The following MALRD1 variants were observed in gnomAD, a reference collection of about 807,000 sequenced individuals.
MALRD1 encodes MAM and LDL receptor class A domain containing 1.
In MALRD1, 247 loss-of-function variants were observed where a neutral mutation model predicts 242.1. That is an observed-to-expected ratio of 1.02 (90% CI 0.92 to 1.13). The LOEUF (loss-of-function observed/expected upper bound fraction) is 1.13, where lower values mean the gene tolerates loss of function less well. Among genes scored for constraint, MALRD1 ranks in the 50% most tolerant of loss-of-function variants. The pLI is 0.00. For missense variants in MALRD1, 2,989 were observed against 2,533.1 expected, an observed-to-expected ratio of 1.18 and a Z score of -3.86; for synonymous variants, 995 against 866.6, an observed-to-expected ratio of 1.15 and a Z score of -2.60.
At chr10:19,588,520 C>G (rs369377286) in intron 33 of MALRD1, among the ~76,000 whole-genome samples, 1 of 152,176 alleles carries the variant, frequency 6.6e-6, no homozygotes, top group East Asian at 1.9e-4. Flanking sequence ...TGTAGTGATG[C>G]AATTACAATT....
chr10:19,203,952 G>A, intron 15 of MALRD1, 72 bp downstream of exon 15: 1 of 1,509,442 alleles, frequency 6.6e-7, no homozygotes, highest in Non-Finnish European at 9.0e-7. Context: ...AGAAAGGAAA[G>A]CTAGTACGGT....
chr10:19,450,298 T>A lies in MALRD1; in HGVS notation c.4846-9T>A. The A allele has an allele frequency of 6.5e-7, 1 of 1,543,632 alleles. No homozygotes were observed. ...ATTATTTCCCTCATACAAACTTCTTTACTTTCAGACAGAGAAAGGACTATC... is the reference window on the plus strand; with the variant it reads ...ATTATTTCCCTCATACAAACTTCTTAACTTTCAGACAGAGAAAGGACTATC... On this transcript the variant is annotated splice_polypyrimidine_tract_variant and intron_variant, in intron 28 of 39. Coordinates refer to ENST00000454679, the MANE Select transcript of MALRD1 (RefSeq NM_001142308.3).
At chr10:19,135,470 A>G (rs1287488922) in intron 9 of MALRD1, among the ~76,000 whole-genome samples, 2 of 152,190 alleles carry the variant, frequency 1.3e-5, no homozygotes, top group Non-Finnish European at 2.9e-5. Flanking sequence ...TCATGTTTTG[A>G]AAAGAAAATC....
intron 11 of MALRD1, among the ~76,000 whole-genome samples, chr10:19,149,897 T>C (rs1833879300): frequency 6.6e-6 from 1 of 152,220 alleles, no homozygotes; most frequent in South Asian, 2.1e-4. Context: ...CCCTAGTGTA[T>C]GCCTGTTCCA....
chr10:19,474,120 T>TGG (rs1836621406), intron 29 of MALRD1, among the ~76,000 whole-genome samples: 1 of 3,258 alleles, frequency 3.1e-4, no homozygotes, highest in Non-Finnish European at 4.3e-4. Context: ...ATTGGACATT[T>TGG]GTGTATGTTC....
intron 31 of MALRD1, among the ~76,000 whole-genome samples, chr10:19,526,532 C>T (rs1048957898): frequency 4.0e-5 from 6 of 151,814 alleles, no homozygotes; most frequent in Non-Finnish European, 8.8e-5. Flanking sequence ...AAATGGATAC[C>T]TTGGCATGCA....
chr10:19,473,546 G>T (rs1836596359), intron 29 of MALRD1, among the ~76,000 whole-genome samples: 1 of 151,896 alleles, frequency 6.6e-6, no homozygotes. Flanking sequence ...TCTACTCTGG[G>T]TGCCACACAT....
intron 36 of MALRD1, among the ~76,000 whole-genome samples, chr10:19,638,973 C>T (rs1193756337): frequency 1.3e-5 from 2 of 151,536 alleles, no homozygotes; most frequent in East Asian, 1.9e-4. Context: ...TGCTTTATCT[C>T]GGGGTTGTTT....
chr10:19,622,057 A>G (rs1839428130), intron 36 of MALRD1, among the ~76,000 whole-genome samples: 1 of 151,778 alleles, frequency 6.6e-6, no homozygotes, highest in South Asian at 2.1e-4. Flanking sequence ...TAAATTTAGC[A>G]CCTTCCTTAA....
chr10:19,489,372 A>T (rs1232512457), intron 29 of MALRD1: 5 of 545,648 alleles, frequency 9.2e-6, no homozygotes, highest in African/African-American at 1.9e-5. Context: ...GCCTCTGATG[A>T]AGCAGGAGAG....
chr10:19,196,951 A>G (rs1361283665), intron 14 of MALRD1, among the ~76,000 whole-genome samples: 1 of 152,046 alleles, frequency 6.6e-6, no homozygotes, highest in Non-Finnish European at 1.5e-5. Flanking sequence ...CTGTTTTCAC[A>G]CTGCTCTAAA....
chr10:19,200,943 C>A (rs921648855), intron 14 of MALRD1, among the ~76,000 whole-genome samples: 1 of 151,950 alleles, frequency 6.6e-6, no homozygotes, highest in African/African-American at 2.4e-5. Context: ...CAATGGGCAT[C>A]CTGTTATGCC....
At chr10:19,382,342 G>A (rs539205102) in intron 26 of MALRD1, among the ~76,000 whole-genome samples, 2 of 48,988 alleles carry the variant, frequency 4.1e-5, no homozygotes, top group African/African-American at 2.2e-4. Flanking sequence ...AGATGGAAGC[G>A]TGTGTGTGTG....
chr10:19,719,219 CATACATATATAT>C (rs1834600461), intron 38 of MALRD1, among the ~76,000 whole-genome samples: 1 of 30,308 alleles, frequency 3.3e-5, no homozygotes, highest in African/African-American at 7.3e-5. Context: ...TATACACATA[CATACATATATAT>C]ATATATATAT....
chr10:19,161,214 G>A (rs1834383785), intron 12 of MALRD1, among the ~76,000 whole-genome samples: 1 of 134,262 alleles, frequency 7.4e-6, no homozygotes, highest in Non-Finnish European at 1.6e-5. Flanking sequence ...GGACATGGAT[G>A]AAATTGGAAA....
intron 38 of MALRD1, among the ~76,000 whole-genome samples, chr10:19,716,364 G>C (rs956505053): frequency 2.0e-5 from 3 of 152,118 alleles, no homozygotes; most frequent in Admixed American, 6.6e-5. Flanking sequence ...TACTGATAGT[G>C]AGTGAGTTAT....
At chr10:19,615,807 TC>T in intron 35 of MALRD1, 49 bp from the exon 36 acceptor site, 1 of 1,305,776 alleles carries the variant, frequency 7.7e-7, no homozygotes. Flanking sequence ...TTCTTCTTCC[TC>T]CTAATACTAT....
intron 26 of MALRD1, among the ~76,000 whole-genome samples, chr10:19,357,634 G>A (rs1396794019): frequency 3.9e-5 from 6 of 152,152 alleles, no homozygotes; most frequent in African/African-American, 1.4e-4. Context: ...GTATGTGTGT[G>A]TATCTTTAGA....
upstream of MALRD1, among the ~76,000 whole-genome samples, chr10:19,047,390 G>A (rs570657417): frequency 2.8e-4 from 42 of 151,234 alleles, no homozygotes; most frequent in Non-Finnish European, 5.0e-4. Context: ...GTGTGTCTGC[G>A]TGTTCTCAGG....
Sources: allele counts gnomAD v4.1 joint callset (sites outside exome capture counted in the v4.1 genomes callset), GRCh38; gene constraint gnomAD v4.1.1; transcripts MANE v1.5; gene names NCBI Gene and HGNC (gene_info 2026-07-23, HGNC 2026-07-21).